The following USH2A variants were observed in gnomAD, a reference collection of about 807,000 sequenced individuals.
USH2A encodes the protein Usher syndrome 2A (autosomal recessive, mild).
Under a neutral mutation model 538.9 loss-of-function variants are expected in USH2A, and 443 were observed. That is an observed-to-expected ratio of 0.82 (90% CI 0.76 to 0.89). The LOEUF is 0.89. Among genes scored for constraint, USH2A ranks in the 40% least tolerant of loss-of-function variants. USH2A has a pLI of 0.00. For missense variants in USH2A, 6,633 were observed against 6,324.8 expected, an observed-to-expected ratio of 1.05 and a Z score of -1.65; for synonymous variants, 2,413 against 2,273.5, an observed-to-expected ratio of 1.06 and a Z score of -1.75.
At chr1:215,796,416 TATTTTTATATTTTTA>T (rs1381841879) in intron 50 of USH2A, among the ~76,000 whole-genome samples, 1 of 151,470 alleles carries the variant, frequency 6.6e-6, no homozygotes, top group African/African-American at 2.4e-5. Flanking sequence ...ATATTTGTTA[TATTTTTATATTTTTA>T]ATTTTTATAT....
chr1:215,626,698 T>C lies in USH2A; in HGVS notation c.15520-828A>G, dbSNP rs73087436. Among the ~76,000 whole-genome samples the C allele has an allele frequency of 3.6e-3, 547 of 152,304 alleles. 4 individuals are homozygous for C. Among genetic ancestry groups the C allele is most frequent in the African/African-American group, 0.013 (533 of 41,558 alleles). On this transcript the variant is annotated intron_variant, in intron 71 of 71. Coordinates refer to ENST00000307340, the MANE Select transcript of USH2A (RefSeq NM_206933.4). ...GTATAATAGTTACAAATAGGAGCTC[T>C]GTAGTCAGATGATGTTTTTAAGAAC...
At position 215,624,722 on chromosome 1, in the gene USH2A, A is replaced by T. The variant is rs1443327734; in HGVS notation, c.*1059T>A. On this transcript the variant is annotated 3_prime_UTR_variant, in exon 72 of 72. Transcript: ENST00000307340. ...TGTTCTTACTGATTCTGTGGCTAAA[A>T]TAATGGCTAGTTCTCCAAAAAGAAG... The T allele has an allele frequency of 1.3e-5, 2 of 152,176 alleles. No homozygotes were observed. The highest frequency in any genetic ancestry group is 2.9e-5 in the Non-Finnish European group (2 of 68,030). 9.4% of individuals were successfully genotyped at this position (152,176 alleles called of 1,614,324 possible). A position where few individuals can be genotyped will look rare whatever the true frequency, so the allele number is the denominator to read the frequency against.
intron 4 of USH2A, among the ~76,000 whole-genome samples, chr1:216,364,516 A>G (rs1049015459): frequency 2.0e-5 from 3 of 152,162 alleles, no homozygotes; most frequent in African/African-American, 7.2e-5. Context: ...AAGTTAAGGA[A>G]CTCAGGGTGA....
At chr1:216,017,809 T>C (rs1668753347) in intron 32 of USH2A, among the ~76,000 whole-genome samples, 1 of 152,224 alleles carries the variant, frequency 6.6e-6, no homozygotes, top group Admixed American at 6.5e-5. Context: ...CACCTGAGAA[T>C]GGTTCTCAAT....
At chr1:216,238,752 A>G (rs548590825) in intron 13 of USH2A, among the ~76,000 whole-genome samples, 1 of 152,296 alleles carries the variant, frequency 6.6e-6, no homozygotes, top group Admixed American at 6.5e-5. Context: ...TTTTTTAGGA[A>G]AGTGGGACAA....
chr1:216,291,788 G>A (rs1311376384), intron 10 of USH2A, among the ~76,000 whole-genome samples: 1 of 152,116 alleles, frequency 6.6e-6, no homozygotes, highest in Non-Finnish European at 1.5e-5. Flanking sequence ...ATCTCCACAT[G>A]AGAATCCAGA....
intron 3 of USH2A, among the ~76,000 whole-genome samples, chr1:216,371,762 G>A (rs963784634): frequency 1.3e-5 from 2 of 152,124 alleles, no homozygotes; most frequent in African/African-American, 4.8e-5. Flanking sequence ...CTGCTGGACA[G>A]AAGCTTAATA....
intron 34 of USH2A, among the ~76,000 whole-genome samples, chr1:215,997,571 T>C (rs953981672): frequency 1.3e-5 from 2 of 152,098 alleles, no homozygotes; most frequent in African/African-American, 2.4e-5. Flanking sequence ...CAAGGTATTA[T>C]AGATTTATAA....
chr1:216,136,297 T>C (rs1318734282), intron 21 of USH2A, among the ~76,000 whole-genome samples: 2 of 152,202 alleles, frequency 1.3e-5, no homozygotes, highest in African/African-American at 2.4e-5. Context: ...CAATTAATTA[T>C]GTTGCATTAC....
In USH2A at chr1:215,833,417, G is replaced by C. The variant is rs201766333; in HGVS notation, c.9371+4574C>G. On this transcript the variant is annotated intron_variant, in intron 47 of 71. Transcript: ENST00000307340. ...ACAAAACGTGTTTAAATTGATTTTT[G>C]ACAAAAATCTAAAAATATTCAATAA... Among the ~76,000 whole-genome samples the C allele has an allele frequency of 2.0e-5, 3 of 151,706 alleles. No homozygotes were observed. In the East Asian group the frequency reaches 5.8e-4, roughly 29 times the overall value.
At chr1:216,313,598 T>A (rs1225066780) in intron 9 of USH2A, among the ~76,000 whole-genome samples, 2 of 152,222 alleles carry the variant, frequency 1.3e-5, no homozygotes, top group Non-Finnish European at 2.9e-5. Flanking sequence ...TCCACATATT[T>A]GCTGGTTTAC....
intron 9 of USH2A, among the ~76,000 whole-genome samples, chr1:216,312,676 A>G (rs569364133): frequency 2.0e-5 from 3 of 152,092 alleles, no homozygotes; most frequent in East Asian, 3.9e-4. Context: ...TTATATTGCC[A>G]TCTATTTTTG....
intron 47 of USH2A, among the ~76,000 whole-genome samples, chr1:215,829,041 A>G (rs1335373046): frequency 6.6e-6 from 1 of 152,178 alleles, no homozygotes; most frequent in Non-Finnish European, 1.5e-5. Flanking sequence ...CCACCAAGAC[A>G]AATAAATGAA....
At chr1:215,896,025 G>A (rs183895263) in intron 40 of USH2A, among the ~76,000 whole-genome samples, 7 of 152,268 alleles carry the variant, frequency 4.6e-5, no homozygotes, top group Admixed American at 1.3e-4. Context: ...TGGGTCCACC[G>A]TCATATATGT....
At chr1:215,738,094 G>A (rs1176698962) in intron 60 of USH2A, among the ~76,000 whole-genome samples, 1 of 152,054 alleles carries the variant, frequency 6.6e-6, no homozygotes, top group African/African-American at 2.4e-5. Context: ...CCTAGTGGGA[G>A]GAGATTATTT....
At chr1:215,840,125 T>A (rs999781529) in intron 46 of USH2A, among the ~76,000 whole-genome samples, 4 of 116,178 alleles carry the variant, frequency 3.4e-5, no homozygotes, top group African/African-American at 1.4e-4. Context: ...ATCGTGCCAA[T>A]GCACTCCAAC....
chr1:215,685,404 A>C (rs1658392306), intron 61 of USH2A, among the ~76,000 whole-genome samples: 1 of 150,518 alleles, frequency 6.6e-6, no homozygotes, highest in Non-Finnish European at 1.5e-5. Context: ...GCTGAAATGC[A>C]AGGAGTACAA....
At chr1:216,324,584 A>G (rs1006411826) in intron 6 of USH2A, among the ~76,000 whole-genome samples, 3 of 152,212 alleles carry the variant, frequency 2.0e-5, no homozygotes, top group African/African-American at 7.2e-5. Context: ...ATGCAAATAA[A>G]GACATAAACA....
At chr1:216,342,375 T>C (rs150403525) in intron 4 of USH2A, among the ~76,000 whole-genome samples, 2 of 152,240 alleles carry the variant, frequency 1.3e-5, no homozygotes, top group East Asian at 3.9e-4. Context: ...AGGAACACTT[T>C]TACACTGTTG....
Sources: gnomAD v4.1 joint callset for allele counts (sites outside exome capture counted in the v4.1 genomes callset) on GRCh38, gnomAD v4.1.1 for gene constraint, MANE v1.5 for transcripts, NCBI Gene and HGNC (gene_info 2026-07-23, HGNC 2026-07-21) for gene names.